MED13L: variants seen among roughly 807,000 people sequenced by gnomAD.
MED13L encodes the protein mediator of RNA polymerase II transcription subunit 13-like.
Under a neutral mutation model 220.9 loss-of-function variants are expected in MED13L, and 7 were observed. That is an observed-to-expected ratio of 0.03 (90% CI 0.02 to 0.06). MED13L has a LOEUF of 0.06. Ranked by LOEUF, MED13L falls within the 10% of genes least tolerant of loss-of-function variation. MED13L has a pLI of 1.00. For synonymous variants in MED13L, 1,011 were observed against 1,015.2 expected (o/e 1.00, Z 0.08); for missense variants, 1,965 against 2,760.5 (o/e 0.71, Z 6.46).
At chr12:116,046,138 T>A (rs1178589450) in intron 4 of MED13L, among the ~76,000 whole-genome samples, 1 of 152,116 alleles carries the variant, frequency 6.6e-6, no homozygotes, top group Non-Finnish European at 1.5e-5. Flanking sequence ...GGTAGGCTGG[T>A]TTATAGTCAC....
intron 1 of MED13L, among the ~76,000 whole-genome samples, chr12:116,271,006 C>T (rs1191297491): frequency 7.4e-6 from 1 of 134,428 alleles, no homozygotes; most frequent in Non-Finnish European, 1.5e-5. Context: ...CGCACCACTG[C>T]ACTCCAGCCT....
chr12:116,239,301 T>C (rs761384375), intron 1 of MED13L, among the ~76,000 whole-genome samples: 3 of 152,192 alleles, frequency 2.0e-5, no homozygotes, highest in African/African-American at 4.8e-5. Flanking sequence ...ATTTAGGGTT[T>C]CCCTATATGT....
At chr12:116,123,090 A>C (rs1875233380) in intron 2 of MED13L, among the ~76,000 whole-genome samples, 1 of 152,196 alleles carries the variant, frequency 6.6e-6, no homozygotes, top group Non-Finnish European at 1.5e-5. Flanking sequence ...AAAATGATTA[A>C]CATGCTCTTA....
chr12:116,241,631 C>T (rs1438833309), intron 1 of MED13L, among the ~76,000 whole-genome samples: 1 of 152,192 alleles, frequency 6.6e-6, no homozygotes, highest in Non-Finnish European at 1.5e-5. Flanking sequence ...AGGGAAGCTG[C>T]TACCACCTAA....
In MED13L at chr12:115,975,685, T is replaced by C; in HGVS notation, c.5418A>G (p.Lys1806=). 3 of 1,614,056 alleles carry C rather than the reference T, an allele frequency of 1.9e-6. No individual in the cohort carries two copies. The highest frequency in any genetic ancestry group is 2.5e-6 in the Non-Finnish European group (3 of 1,180,016). Residue 1806 remains lysine, a synonymous_variant, in exon 24 of 31, where the codon AAA becomes AAG. Coordinates refer to ENST00000281928, the MANE Select transcript of MED13L (RefSeq NM_015335.5). ...YSPPFILAPI[K]DKQTELGETF... ...TCTCTCCCAGCTCTGTCTGCTTGTC[T>C]TTGATTGGGGCCAATATAAAGGGAG...
intron 2 of MED13L, among the ~76,000 whole-genome samples, chr12:116,182,354 G>C (rs1257049714): frequency 6.6e-6 from 1 of 152,050 alleles, no homozygotes; most frequent in African/African-American, 2.4e-5. Context: ...CATTTTCTTA[G>C]GCATTCCCCA....
chr12:115,995,220 T>C (rs1878321899), intron 16 of MED13L, among the ~76,000 whole-genome samples: 1 of 152,182 alleles, frequency 6.6e-6, no homozygotes, highest in Non-Finnish European at 1.5e-5. Context: ...ACCACAAATT[T>C]GTTTTATTGG....
intron 4 of MED13L, among the ~76,000 whole-genome samples, chr12:116,032,809 A>T (rs149001143): frequency 1.3e-5 from 2 of 152,316 alleles, no homozygotes; most frequent in East Asian, 1.9e-4. Flanking sequence ...TTTGCAAACT[A>T]TAAGTCTCTC....
chr12:116,142,094 A>T (rs187687499), intron 2 of MED13L, among the ~76,000 whole-genome samples: 382 of 152,136 alleles, frequency 2.5e-3, no homozygotes, highest in African/African-American at 8.9e-3. Flanking sequence ...ATGCCACCCA[A>T]TCAGACTTTC....
intron 2 of MED13L, among the ~76,000 whole-genome samples, chr12:116,190,063 G>A (rs1881165987): frequency 6.6e-6 from 1 of 152,010 alleles, no homozygotes; most frequent in African/African-American, 2.4e-5. Flanking sequence ...ATGCCTTACT[G>A]CACTGGCTAG....
intron 1 of MED13L, among the ~76,000 whole-genome samples, chr12:116,238,929 C>T (rs1565943765): frequency 6.6e-6 from 1 of 152,010 alleles, no homozygotes; most frequent in Admixed American, 6.6e-5. Context: ...ACCCCGTCTC[C>T]ACTAAAAATA....
intron 2 of MED13L, among the ~76,000 whole-genome samples, chr12:116,127,032 T>A (rs1875645870): frequency 6.6e-6 from 1 of 152,208 alleles, no homozygotes; most frequent in Admixed American, 6.5e-5. Context: ...TTACAAATTA[T>A]CTTTTGAAAC....
At chr12:116,204,081 A>G (rs890795660) in intron 2 of MED13L, among the ~76,000 whole-genome samples, 2 of 152,236 alleles carry the variant, frequency 1.3e-5, no homozygotes, top group Non-Finnish European at 2.9e-5. Context: ...GCATACCACA[A>G]TAGCTACTGA....
chr12:116,096,354 C>CAAAAAAAAAAA (rs537207957), intron 4 of MED13L, among the ~76,000 whole-genome samples: 400 of 23,540 alleles, frequency 0.017, 54 homozygotes, highest in Middle Eastern at 0.083. Flanking sequence ...GACACAGCCT[C>CAAAAAAAAAAA]AAAAAAAAAA....
At chr12:116,071,107 T>C (rs888330783) in intron 4 of MED13L, among the ~76,000 whole-genome samples, 2 of 151,994 alleles carry the variant, frequency 1.3e-5, no homozygotes, top group African/African-American at 4.8e-5. Flanking sequence ...TACCAGGATA[T>C]AGAGAAGACA....
At chr12:116,274,494 A>C (rs1319907130) in intron 1 of MED13L, among the ~76,000 whole-genome samples, 1 of 151,570 alleles carries the variant, frequency 6.6e-6, no homozygotes, top group Non-Finnish European at 1.5e-5. Flanking sequence ...AAGCGTTCTT[A>C]TAAAAAAACA....
At chr12:116,109,642 T>C (rs896578719) in intron 3 of MED13L, among the ~76,000 whole-genome samples, 2 of 152,216 alleles carry the variant, frequency 1.3e-5, no homozygotes, top group African/African-American at 4.8e-5. Flanking sequence ...TACCAAGAGC[T>C]TTATTCTGGT....
intron 2 of MED13L, among the ~76,000 whole-genome samples, chr12:116,125,577 T>G (rs1181999476): frequency 6.6e-6 from 1 of 152,222 alleles, no homozygotes; most frequent in African/African-American, 2.4e-5. Context: ...CTTAAAATTT[T>G]CATCATCTGA....
At chr12:115,992,352 G>A (rs151083539) in intron 16 of MED13L, among the ~76,000 whole-genome samples, 12 of 152,108 alleles carry the variant, frequency 7.9e-5, no homozygotes, top group African/African-American at 2.7e-4. Flanking sequence ...ATTAGCTAGA[G>A]GACCATAGGA....
Sources: gnomAD v4.1 joint callset for allele counts (sites outside exome capture counted in the v4.1 genomes callset) on GRCh38, gnomAD v4.1.1 for gene constraint, MANE v1.5 for transcripts, NCBI Gene and HGNC (gene_info 2026-07-23, HGNC 2026-07-21) for gene names.